The following FGF12 variants were observed in gnomAD, a reference collection of about 807,000 sequenced individuals.
FGF12 encodes fibroblast growth factor 12B.
FGF12 carries 14 observed loss-of-function variants against 23.6 expected under a neutral mutation model. The observed-to-expected ratio is 0.59, with a 90% CI of 0.39 to 0.93. The LOEUF (loss-of-function observed/expected upper bound fraction) is 0.93. Among genes scored for constraint, FGF12 ranks in the 40% least tolerant of loss-of-function variants. The probability of loss-of-function intolerance (pLI) is 0.00; values close to 1 mark genes in which losing one functional copy is unlikely to be tolerated. For synonymous variants in FGF12, 62 were observed against 77.3 expected (o/e 0.80, Z 1.04); for missense variants, 175 against 217.8 (o/e 0.80, Z 1.24).
At chr3:192,654,372 T>C (rs1433978411) in intron 2 of FGF12, among the ~76,000 whole-genome samples, 1 of 152,178 alleles carries the variant, frequency 6.6e-6, no homozygotes, top group East Asian at 1.9e-4. Context: ...GAAATAGAGT[T>C]TATCTGTTGC....
chr3:192,713,049 C>T (rs1252982242), intron 2 of FGF12, among the ~76,000 whole-genome samples: 2 of 151,870 alleles, frequency 1.3e-5, no homozygotes, highest in East Asian at 1.9e-4. Flanking sequence ...AAGCTGGGCA[C>T]GTAAAAACAA....
intron 2 of FGF12, among the ~76,000 whole-genome samples, chr3:192,458,810 T>C (rs748145867): frequency 5.3e-5 from 8 of 152,164 alleles, no homozygotes; most frequent in Non-Finnish European, 1.2e-4. Flanking sequence ...GGTGGAATGA[T>C]ATGGTTTCGC....
intron 2 of FGF12, among the ~76,000 whole-genome samples, chr3:192,429,181 CT>C (rs1258859126): frequency 2.0e-5 from 3 of 152,116 alleles, no homozygotes; most frequent in East Asian, 1.9e-4. Flanking sequence ...ACAGCATCAA[CT>C]TACCTCTTCA....
At chr3:192,489,206 T>C (rs770701255) in intron 2 of FGF12, among the ~76,000 whole-genome samples, 6 of 152,004 alleles carry the variant, frequency 3.9e-5, no homozygotes, top group Non-Finnish European at 7.4e-5. Flanking sequence ...ATCACAATAA[T>C]AAAAATAACA....
rs982274978 is a variant in FGF12 at position 192,139,755 on chromosome 3, C to T, written c.*4254G>A. The T allele has an allele frequency of 2.0e-5, 3 of 151,848 alleles. No homozygotes were observed. The East Asian group carries it at 5.8e-4, about 29-fold the overall frequency. 9.4% of individuals were successfully genotyped at this position (151,848 alleles called of 1,614,324 possible). ...CGTCTGTTACTAAAGCTCAATACAT[C>T]ATTCTGAACATTATTAATTTTCACT... is the stretch of plus-strand genomic sequence containing the variant. On this transcript the variant is annotated 3_prime_UTR_variant, in exon 6 of 6. Transcript: ENST00000445105.
chr3:192,186,302 CCATT>C (rs977838817), intron 4 of FGF12, among the ~76,000 whole-genome samples: 4 of 152,134 alleles, frequency 2.6e-5, no homozygotes, highest in African/African-American at 9.7e-5. Flanking sequence ...AAGAGTAAAT[CCATT>C]GTTTTGATAC....
chr3:192,700,745 G>T (rs1054954351), intron 2 of FGF12, among the ~76,000 whole-genome samples: 1 of 152,096 alleles, frequency 6.6e-6, no homozygotes, highest in Non-Finnish European at 1.5e-5. Context: ...GAAGAGGGGG[G>T]TCGGACATGC....
chr3:192,263,642 G>A (rs1712898322), intron 4 of FGF12, among the ~76,000 whole-genome samples: 1 of 151,590 alleles, frequency 6.6e-6, no homozygotes, highest in Non-Finnish European at 1.5e-5. Flanking sequence ...GCTCCATGAA[G>A]TTCTCAGGTG....
At chr3:192,478,842 A>G (rs898428277) in intron 2 of FGF12, among the ~76,000 whole-genome samples, 1 of 152,226 alleles carries the variant, frequency 6.6e-6, no homozygotes, top group African/African-American at 2.4e-5. Context: ...ACAGTTTCTC[A>G]TATTCCAGTA....
intron 2 of FGF12, among the ~76,000 whole-genome samples, chr3:192,364,618 C>T (rs1718888385): frequency 6.6e-6 from 1 of 152,156 alleles, no homozygotes; most frequent in Non-Finnish European, 1.5e-5. Context: ...AAACATTCTC[C>T]TCCACACTCT....
intron 2 of FGF12, among the ~76,000 whole-genome samples, chr3:192,685,326 C>T (rs1354052685): frequency 6.6e-6 from 1 of 152,228 alleles, no homozygotes; most frequent in African/African-American, 2.4e-5. Context: ...GCTGGGATTA[C>T]AGGCGTGAGC....
At position 192,544,297 on chromosome 3, in the gene FGF12, C is replaced by A. The variant is rs144546268; in HGVS notation, c.13+182884G>T. Among the ~76,000 whole-genome samples the A allele has an allele frequency of 9.9e-5, 15 of 152,260 alleles. No homozygotes were observed. The East Asian group carries it at 2.1e-3, about 22-fold the overall frequency. ...GGCAATTCAAGGCTCTCTTTTCCACCCTCTTCAGTGCCTCTTTAAGCAATA... is the reference window on the plus strand; with the variant it reads ...GGCAATTCAAGGCTCTCTTTTCCACACTCTTCAGTGCCTCTTTAAGCAATA... On this transcript the variant is annotated intron_variant, in intron 2 of 5. Transcript: ENST00000445105.
chr3:192,146,510 C>A (rs1048737720), intron 5 of FGF12, among the ~76,000 whole-genome samples: 1 of 152,072 alleles, frequency 6.6e-6, no homozygotes, highest in Admixed American at 6.5e-5. Context: ...ACCTCGTGAT[C>A]CACCCGCCTC....
intron 2 of FGF12, among the ~76,000 whole-genome samples, chr3:192,642,624 G>C (rs1341542721): frequency 2.0e-5 from 3 of 152,170 alleles, no homozygotes; most frequent in African/African-American, 7.2e-5. Context: ...GTTTTCAAAA[G>C]TTGCCAAACT....
intron 2 of FGF12, among the ~76,000 whole-genome samples, chr3:192,658,574 C>A (rs1365589843): frequency 6.6e-6 from 1 of 152,136 alleles, no homozygotes; most frequent in Non-Finnish European, 1.5e-5. Context: ...CCCTAGAAAG[C>A]AGGGCACTTG....
intron 4 of FGF12, among the ~76,000 whole-genome samples, chr3:192,255,049 T>C (rs968003159): frequency 4.6e-5 from 7 of 151,972 alleles, no homozygotes; most frequent in Non-Finnish European, 8.8e-5. Context: ...AGGGTATGAA[T>C]TGTGATTCCC....
intron 2 of FGF12, among the ~76,000 whole-genome samples, chr3:192,603,055 A>G (rs1714182395): frequency 6.6e-6 from 1 of 152,128 alleles, no homozygotes; most frequent in Non-Finnish European, 1.5e-5. Flanking sequence ...AAGACCTTCT[A>G]TGACAAATCT....
At position 192,141,764 on chromosome 3, in the gene FGF12, CAATT is replaced by C. The variant is rs1166204687; in HGVS notation, c.*2241_*2244del. On this transcript the variant is annotated 3_prime_UTR_variant, in exon 6 of 6. Transcript: ENST00000445105. ...TGTAATTGATTTTTATGATTTGCAT[CAATT>C]GTGTTATTTATGAAACCATCGTTTT... 15 of 150,154 alleles carry C rather than the reference CAATT, an allele frequency of 1.0e-4. No homozygotes were observed. Among genetic ancestry groups the C allele is most frequent in the East Asian group, 7.8e-4 (4 of 5,118 alleles). 9.3% of individuals were successfully genotyped at this position (150,154 alleles called of 1,614,324 possible).
chr3:192,507,425 A>G (rs1335156864), intron 2 of FGF12, among the ~76,000 whole-genome samples: 3 of 152,022 alleles, frequency 2.0e-5, no homozygotes, highest in Non-Finnish European at 4.4e-5. Context: ...TATATTTAAA[A>G]TTTATAAATT....
Sources: gnomAD v4.1 joint callset for allele counts (sites outside exome capture counted in the v4.1 genomes callset) on GRCh38, gnomAD v4.1.1 for gene constraint, MANE v1.5 for transcripts, NCBI Gene and HGNC (gene_info 2026-07-23, HGNC 2026-07-21) for gene names.